The following LSP1 variants were observed in gnomAD, a reference collection of about 807,000 sequenced individuals.
The protein encoded by LSP1 is lymphocyte specific protein 1.
LSP1 carries 32 observed loss-of-function variants against 49.3 expected under a neutral mutation model. The observed-to-expected ratio is 0.65, with a 90% CI of 0.49 to 0.87. The LOEUF (loss-of-function observed/expected upper bound fraction) is 0.87. Among genes scored for constraint, LSP1 ranks in the 40% least tolerant of loss-of-function variants. The pLI, the probability that LSP1 is intolerant of heterozygous loss-of-function variation, is 0.00. For synonymous variants in LSP1, 179 were observed against 178.8 expected (o/e 1.00, Z -0.01); for missense variants, 428 against 442.6 (o/e 0.97, Z 0.30).
At chr11:1,878,521 G>A (rs554483590) in intron 1 of LSP1, among the ~76,000 whole-genome samples, 57 of 152,200 alleles carry the variant, frequency 3.7e-4, no homozygotes, top group African/African-American at 1.4e-3. Flanking sequence ...TTGCGTGGCT[G>A]GAGTCCCCTG....
intron 1 of LSP1, among the ~76,000 whole-genome samples, chr11:1,860,481 A>G (rs1847602470): frequency 6.6e-6 from 1 of 152,218 alleles, no homozygotes; most frequent in South Asian, 2.1e-4. Context: ...TGATGAATGG[A>G]TGAACAAATG....
chr11:1,866,376 C>T, intron 1 of LSP1: 2 of 1,127,636 alleles, frequency 1.8e-6, no homozygotes, highest in African/African-American at 1.6e-5. Flanking sequence ...CCAGGGATGC[C>T]CATGGGGGTG....
chr11:1,866,898 A>C (rs1474105982), intron 1 of LSP1: 1 of 1,519,758 alleles, frequency 6.6e-7, no homozygotes, highest in Non-Finnish European at 8.8e-7. Context: ...GCCCAGCACC[A>C]ACTGCAGCCC....
At chr11:1,856,483 G>A (rs768844930) in intron 1 of LSP1, among the ~76,000 whole-genome samples, 1 of 152,192 alleles carries the variant, frequency 6.6e-6, no homozygotes, top group African/African-American at 2.4e-5. Flanking sequence ...GCTGCCCAGG[G>A]CTCTGGCAGC....
At chr11:1,876,421 G>A (rs1429453533) in intron 1 of LSP1, 5 of 982,220 alleles carry the variant, frequency 5.1e-6, no homozygotes, top group African/African-American at 1.7e-5. Context: ...GGTCAGGCCT[G>A]GAGGAGAAGC....
chr11:1,883,629 C>T (rs1589829543), intron 4 of LSP1, 69 bp downstream of exon 4: 4 of 1,527,698 alleles, frequency 2.6e-6, no homozygotes, highest in Admixed American at 2.0e-5. Flanking sequence ...TGGCTGTCTG[C>T]ACCACTCTGT....
intron 10 of LSP1, chr11:1,890,165 C>G: frequency 1.4e-6 from 1 of 717,110 alleles, no homozygotes; most frequent in East Asian, 2.7e-5. Flanking sequence ...CAGCTAGAAT[C>G]CTGCGCTGGG....
chr11:1,858,394 G>A (rs952130031), intron 1 of LSP1, among the ~76,000 whole-genome samples: 3 of 152,212 alleles, frequency 2.0e-5, no homozygotes, highest in Non-Finnish European at 1.5e-5. Context: ...GCACTTAAAG[G>A]GACCGTCCCG....
chr11:1,884,720 C>A lies in LSP1; in HGVS notation c.717+139C>A. 2 of 682,078 alleles carry A rather than the reference C, an allele frequency of 2.9e-6. No individual in the cohort carries two copies. Among genetic ancestry groups the A allele is most frequent in the South Asian group, 1.7e-5 (1 of 57,302 alleles). 42.3% of individuals were successfully genotyped at this position (682,078 alleles called of 1,614,324 possible). The stretch of plus-strand genomic sequence containing the variant: ...TCCAACCAATGCTTCTCCATCCAGT[C>A]AGTGCCCCTCTACCCAATCAATGCC... On this transcript the variant is annotated intron_variant, in intron 7 of 10. Transcript: ENST00000311604. The surrounding 1 kb of genome is among the most constrained non-coding windows in gnomAD (Gnocchi z 4.1).
At position 1,881,513 on chromosome 11, in the gene LSP1, G is replaced by A. The variant is rs1366568292; in HGVS notation, c.273G>A (p.Arg91=). The A allele has an allele frequency of 6.4e-7, 1 of 1,566,014 alleles. No homozygotes were observed. Among genetic ancestry groups the A allele is most frequent in the East Asian group, 2.3e-5 (1 of 42,692 alleles). Reference sequence around the variant, plus strand: ...ACTGGTCCCAGAGGCCAGAGCAGCGGCAGCAGCACGAGGGGGCGCAGGGCG... The same window carrying A: ...ACTGGTCCCAGAGGCCAGAGCAGCGACAGCAGCACGAGGGGGCGCAGGGCG... ...FGDWSQRPEQ[R]QQHEGAQGAL... Residue 91 remains arginine, a synonymous_variant, in exon 3 of 11, where the codon CGG becomes CGA. Coordinates refer to ENST00000311604, the MANE Select transcript of LSP1 (RefSeq NM_002339.3).
chr11:1,874,278 G>T (rs1466981135), intron 1 of LSP1, among the ~76,000 whole-genome samples: 2 of 89,420 alleles, frequency 2.2e-5, no homozygotes, highest in Non-Finnish European at 4.4e-5. Context: ...GTGGGGGCAG[G>T]CCGGGGACGG....
intron 10 of LSP1, chr11:1,888,602 C>G (rs1565090470): frequency 6.6e-6 from 1 of 152,544 alleles, no homozygotes; most frequent in Non-Finnish European, 1.5e-5. Flanking sequence ...TGGCTGAGGG[C>G]TCCCCCCTGC....
chr11:1,887,588 G>T lies in LSP1; in HGVS notation c.*13+12G>T. ...GGCGTCCCATCTCGGTGAGTCCCTG[G>T]CAACTCACAGAAGGGGATGAGGTGC... On this transcript the variant is annotated intron_variant, in intron 10 of 10. Coordinates refer to ENST00000311604, the MANE Select transcript of LSP1 (RefSeq NM_002339.3). 1 of 1,605,198 alleles carries T rather than the reference G, an allele frequency of 6.2e-7. No homozygotes were observed. The highest frequency in any genetic ancestry group is 8.5e-7 in the Non-Finnish European group (1 of 1,172,812).
At chr11:1,874,013 G>GCCC (rs1325472862) in intron 1 of LSP1, among the ~76,000 whole-genome samples, 189 of 143,630 alleles carry the variant, frequency 1.3e-3, no homozygotes, top group South Asian at 2.0e-3. Context: ...AGAGCAGGGA[G>GCCC]GCCGGCAGAG....
chr11:1,861,100 A>G (rs1847618002), intron 1 of LSP1, among the ~76,000 whole-genome samples: 1 of 152,134 alleles, frequency 6.6e-6, no homozygotes, highest in South Asian at 2.1e-4. Flanking sequence ...GGAATTTTGC[A>G]CTCTCTTCCA....
At chr11:1,857,345 C>T (rs566556728) in intron 1 of LSP1, among the ~76,000 whole-genome samples, 91 of 152,342 alleles carry the variant, frequency 6.0e-4, no homozygotes, top group African/African-American at 2.1e-3. Context: ...TGGCCGGTGA[C>T]ACCCTGGGGT....
At chr11:1,876,173 A>G (rs1848302058) in intron 1 of LSP1, among the ~76,000 whole-genome samples, 1 of 152,180 alleles carries the variant, frequency 6.6e-6, no homozygotes, top group Non-Finnish European at 1.5e-5. Flanking sequence ...ACCCTCTGGA[A>G]GCCTCAGCCA....
rs191137764 is a variant in LSP1, at chr11:1,858,423, G to A, written c.53+5226G>A. Among the ~76,000 whole-genome samples, 46 of 152,348 alleles carry A rather than the reference G, an allele frequency of 3.0e-4. No homozygotes were observed. The East Asian group carries it at 7.3e-3, about 24-fold the overall frequency. On this transcript the variant is annotated intron_variant, in intron 1 of 10. Transcript: ENST00000311604. ...CGTCCCGAAAAGCGGAACTGGGACC[G>A]GGCGCTGCAGGACCAGCAAGGTCCT...
chr11:1,873,405 C>A (rs554181002), intron 1 of LSP1, among the ~76,000 whole-genome samples: 24 of 150,078 alleles, frequency 1.6e-4, no homozygotes, highest in Admixed American at 1.0e-3. Context: ...GGTTTCTTGG[C>A]AACTGCTAAG....
Sources: allele counts gnomAD v4.1 joint callset (sites outside exome capture counted in the v4.1 genomes callset), GRCh38; gene constraint gnomAD v4.1.1; non-coding constraint Gnocchi (gnomAD v3.1); transcripts MANE v1.5; gene names NCBI Gene and HGNC (gene_info 2026-07-23, HGNC 2026-07-21).